Variants in MATCAP2 observed in about 807,000 individuals in gnomAD.
MATCAP2 encodes putative tyrosine carboxypeptidase MATCAP2.
chr7:36,370,570 C>T, the MATCAP2 span, among the ~76,000 whole-genome samples: 1 of 152,152 alleles, frequency 6.6e-6, no homozygotes, highest in Non-Finnish European at 1.5e-5. Context: ...CAACCTCTGC[C>T]TCCTGGGTTC....
the MATCAP2 span, among the ~76,000 whole-genome samples, chr7:36,388,071 T>C: frequency 6.6e-6 from 1 of 152,176 alleles, no homozygotes; most frequent in African/African-American, 2.4e-5. Flanking sequence ...GTCTCTCCAT[T>C]TTTCATCTGC....
the MATCAP2 span, chr7:36,356,031 A>G: frequency 6.6e-6 from 1 of 152,208 alleles, no homozygotes; most frequent in Non-Finnish European, 1.5e-5. Context: ...TGAAAATCCC[A>G]TTATTTTTAT....
chr7:36,350,179 C>T, the MATCAP2 span, among the ~76,000 whole-genome samples: 5 of 152,242 alleles, frequency 3.3e-5, no homozygotes, highest in South Asian at 6.2e-4. Flanking sequence ...AGAAATTTTA[C>T]GTCAAGACAT....
At chr7:36,336,404 C>A in the MATCAP2 span, 1 of 904,874 alleles carries the variant, frequency 1.1e-6, no homozygotes, top group Non-Finnish European at 1.6e-6. Flanking sequence ...TATTGATTTC[C>A]AAATTAAACT....
At chr7:36,341,227 A>C in the MATCAP2 span, among the ~76,000 whole-genome samples, 9 of 152,324 alleles carry the variant, frequency 5.9e-5, no homozygotes, top group Non-Finnish European at 2.9e-5. Flanking sequence ...TAGAGGCAAT[A>C]AATTTCATGT....
the MATCAP2 span, among the ~76,000 whole-genome samples, chr7:36,383,652 A>G: frequency 6.6e-6 from 1 of 152,110 alleles, no homozygotes; most frequent in Non-Finnish European, 1.5e-5. Context: ...ATCACACACC[A>G]GGGTCTGTAG....
the MATCAP2 span, among the ~76,000 whole-genome samples, chr7:36,335,799 A>C: frequency 1.3e-5 from 2 of 152,216 alleles, no homozygotes; most frequent in African/African-American, 2.4e-5. Context: ...GGCTGGGTGC[A>C]GTGGCTCATG....
chr7:36,333,657 G>A, the MATCAP2 span, among the ~76,000 whole-genome samples: 2 of 152,122 alleles, frequency 1.3e-5, no homozygotes, highest in Non-Finnish European at 2.9e-5. Flanking sequence ...ATATTCTATA[G>A]GTCTGAGATT....
chr7:36,371,669 A>T, the MATCAP2 span, among the ~76,000 whole-genome samples: 1 of 152,326 alleles, frequency 6.6e-6, no homozygotes, highest in Non-Finnish European at 1.5e-5. Context: ...AAAGACCAAG[A>T]AAGAGGAAGA....
At chr7:36,361,217 T>C in the MATCAP2 span, among the ~76,000 whole-genome samples, 18,559 of 152,216 alleles carry the variant, frequency 0.12, 1,182 homozygotes, top group East Asian at 0.19. Context: ...ATGACCTCTC[T>C]GTAATATTAG....
the MATCAP2 span, among the ~76,000 whole-genome samples, chr7:36,349,537 C>CCCA: frequency 6.6e-6 from 1 of 152,102 alleles, no homozygotes; most frequent in Admixed American, 6.5e-5. Context: ...ACACACCCAC[C>CCCA]CCACACCTTA....
At chr7:36,343,641 A>G in the MATCAP2 span, among the ~76,000 whole-genome samples, 1 of 13,700 alleles carries the variant, frequency 7.3e-5, no homozygotes, top group East Asian at 4.4e-3. Flanking sequence ...AAAGAAAAAG[A>G]AAAAGAAAAG....
chr7:36,381,069 G>A, the MATCAP2 span, among the ~76,000 whole-genome samples: 1 of 152,154 alleles, frequency 6.6e-6, no homozygotes, highest in Non-Finnish European at 1.5e-5. Context: ...TAACACCTGG[G>A]TATAGCTATA....
chr7:36,357,499 T>G, the MATCAP2 span: 1 of 1,614,088 alleles, frequency 6.2e-7, no homozygotes, highest in Non-Finnish European at 8.5e-7. Context: ...AGGACAAATG[T>G]GAAATGCTTC....
At chr7:36,334,107 G>C in the MATCAP2 span, 4 of 1,614,066 alleles carry the variant, frequency 2.5e-6, no homozygotes, top group Non-Finnish European at 3.4e-6. Flanking sequence ...TTTACGTCCA[G>C]TCCAACTGTT....
At chr7:36,381,609 T>C in the MATCAP2 span, among the ~76,000 whole-genome samples, 1 of 149,536 alleles carries the variant, frequency 6.7e-6, no homozygotes, top group African/African-American at 2.5e-5. Flanking sequence ...AGGCGGAGGT[T>C]GCAGTGAGCT....
chr7:36,379,127 T>C, the MATCAP2 span, among the ~76,000 whole-genome samples: 1 of 152,202 alleles, frequency 6.6e-6, no homozygotes, highest in African/African-American at 2.4e-5. Flanking sequence ...CCAGTACCAA[T>C]GAGATGAACC....
the MATCAP2 span, among the ~76,000 whole-genome samples, chr7:36,360,368 G>A: frequency 6.6e-6 from 1 of 152,088 alleles, no homozygotes; most frequent in South Asian, 2.1e-4. Flanking sequence ...GTATGGCAGC[G>A]GGGTGACAGT....
the MATCAP2 span, among the ~76,000 whole-genome samples, chr7:36,380,833 G>A: frequency 6.6e-6 from 1 of 152,186 alleles, no homozygotes; most frequent in Non-Finnish European, 1.5e-5. Context: ...AGGTTCAAGC[G>A]AGTCTCCTGC....
Sources: allele counts gnomAD v4.1 joint callset (sites outside exome capture counted in the v4.1 genomes callset), GRCh38; gene constraint gnomAD v4.1.1; transcripts MANE v1.5; gene names NCBI Gene and HGNC (gene_info 2026-07-23, HGNC 2026-07-21).